The following ESRRG variants were observed in gnomAD, a reference collection of about 807,000 sequenced individuals.
ESRRG encodes estrogen-related receptor gamma.
A neutral mutation model predicts 44.0 loss-of-function variants in ESRRG; 13 were observed. That is an observed-to-expected ratio of 0.30 (90% CI 0.19 to 0.47). ESRRG has a LOEUF of 0.47. Ranked by LOEUF, ESRRG falls within the 20% of genes least tolerant of loss-of-function variation. The pLI is 1.00. For synonymous variants in ESRRG, 215 were observed against 214.6 expected (o/e 1.00, Z -0.02); for missense variants, 395 against 580.6 (o/e 0.68, Z 3.29).
intron 3 of ESRRG, among the ~76,000 whole-genome samples, chr1:216,585,082 T>C (rs74141614): frequency 0.03 from 4,559 of 152,292 alleles, 197 homozygotes; most frequent in African/African-American, 0.1. Flanking sequence ...CTGAAATTGA[T>C]AAAAGTTTAA....
At chr1:216,968,884 T>A (rs916411928) in intron 1 of ESRRG, among the ~76,000 whole-genome samples, 16 of 152,182 alleles carry the variant, frequency 1.1e-4, no homozygotes, top group African/African-American at 3.6e-4. Flanking sequence ...AGTTATCCTT[T>A]AACTAGAGTT....
chr1:216,972,306 C>A (rs1486836092), intron 1 of ESRRG, among the ~76,000 whole-genome samples: 1 of 152,116 alleles, frequency 6.6e-6, no homozygotes, highest in Non-Finnish European at 1.5e-5. Context: ...ATTAGGCTTG[C>A]TCCTATCTTA....
chr1:216,900,545 A>AGG (rs59429353), intron 2 of ESRRG, among the ~76,000 whole-genome samples: 11 of 152,026 alleles, frequency 7.2e-5, no homozygotes, highest in Middle Eastern at 3.4e-3. Flanking sequence ...TGGTCTGTTA[A>AGG]GGGGGGGCAA....
intron 1 of ESRRG, among the ~76,000 whole-genome samples, chr1:217,123,050 G>A (rs1487345159): frequency 6.6e-6 from 1 of 151,986 alleles, no homozygotes; most frequent in Admixed American, 6.6e-5. Flanking sequence ...TCGTTGTTGA[G>A]AGCAACTATT....
chr1:217,035,496 T>C (rs2151069829), intron 1 of ESRRG, among the ~76,000 whole-genome samples: 1 of 152,106 alleles, frequency 6.6e-6, no homozygotes, highest in Non-Finnish European at 1.5e-5. Flanking sequence ...TTTTACTAAA[T>C]TTCAGACAGT....
chr1:216,974,101 A>C (rs895267292), intron 1 of ESRRG, among the ~76,000 whole-genome samples: 5 of 152,230 alleles, frequency 3.3e-5, no homozygotes, highest in African/African-American at 1.2e-4. Context: ...CATTATCATT[A>C]ATATTTCTTT....
At chr1:216,670,105 G>C (rs1055747478) in intron 2 of ESRRG, among the ~76,000 whole-genome samples, 3 of 152,126 alleles carry the variant, frequency 2.0e-5, no homozygotes, top group African/African-American at 7.2e-5. Flanking sequence ...ATTTTCTCTA[G>C]ACACTATTTG....
At chr1:217,077,520 T>G (rs2091418336) in intron 1 of ESRRG, among the ~76,000 whole-genome samples, 1 of 152,168 alleles carries the variant, frequency 6.6e-6, no homozygotes, top group South Asian at 2.1e-4. Context: ...CAAAATTCTG[T>G]GAGCATTTAC....
At chr1:216,862,738 G>A (rs1577360294) in intron 2 of ESRRG, 1 of 152,154 alleles carries the variant, frequency 6.6e-6, no homozygotes, top group South Asian at 2.1e-4. Flanking sequence ...TGAGATGGGG[G>A]AAGTAGGTCA....
intron 5 of ESRRG, among the ~76,000 whole-genome samples, chr1:216,539,124 T>C (rs2051898136): frequency 2.0e-5 from 3 of 152,010 alleles, no homozygotes; most frequent in Admixed American, 2.0e-4. Context: ...GTTGTATAAA[T>C]AAAGTCTAAC....
intron 1 of ESRRG, among the ~76,000 whole-genome samples, chr1:217,072,928 C>T (rs1163895740): frequency 6.6e-6 from 1 of 151,950 alleles, no homozygotes; most frequent in Non-Finnish European, 1.5e-5. Flanking sequence ...ATGACAAATA[C>T]CCATTGTCAT....
At chr1:216,965,677 G>T (rs148179829) in intron 1 of ESRRG, among the ~76,000 whole-genome samples, 56 of 152,240 alleles carry the variant, frequency 3.7e-4, no homozygotes, top group African/African-American at 1.3e-3. Context: ...GGAGGCCAAA[G>T]GGCAGCTATA....
intron 1 of ESRRG, among the ~76,000 whole-genome samples, chr1:217,123,243 T>C (rs1398467740): frequency 2.0e-5 from 3 of 152,218 alleles, no homozygotes; most frequent in South Asian, 2.1e-4. Flanking sequence ...CAGTATATCA[T>C]GCCTAAGGGG....
At chr1:216,673,906 T>C (rs1393404138) in intron 2 of ESRRG, among the ~76,000 whole-genome samples, 1 of 152,172 alleles carries the variant, frequency 6.6e-6, no homozygotes, top group Non-Finnish European at 1.5e-5. Flanking sequence ...AAGAGGACAC[T>C]CCAACCAGCC....
chr1:216,913,204 A>G (rs1046172931), intron 2 of ESRRG, among the ~76,000 whole-genome samples: 11 of 151,974 alleles, frequency 7.2e-5, no homozygotes, highest in African/African-American at 2.7e-4. Flanking sequence ...ACATGTGCAG[A>G]CTTTTTTTCC....
intron 1 of ESRRG, among the ~76,000 whole-genome samples, chr1:216,960,464 A>G (rs961734738): frequency 6.6e-6 from 1 of 152,068 alleles, no homozygotes; most frequent in African/African-American, 2.4e-5. Context: ...TCCCTAAATG[A>G]GGTATTGTTT....
At chr1:216,762,271 C>A (rs2092820844) in intron 2 of ESRRG, among the ~76,000 whole-genome samples, 1 of 151,894 alleles carries the variant, frequency 6.6e-6, no homozygotes. Context: ...TTTATTGCGG[C>A]ATTATTCACA....
chr1:217,058,689 T>TA (rs2087683685), intron 1 of ESRRG, among the ~76,000 whole-genome samples: 1 of 152,028 alleles, frequency 6.6e-6, no homozygotes, highest in South Asian at 2.1e-4. Flanking sequence ...ACTGTGCATA[T>TA]AATATGTGAT....
At chr1:216,853,980 T>A (rs1577262686) in intron 2 of ESRRG, among the ~76,000 whole-genome samples, 1 of 152,294 alleles carries the variant, frequency 6.6e-6, no homozygotes, top group African/African-American at 2.4e-5. Flanking sequence ...ACATAGAGCA[T>A]GAGCCCAGAC....
Sources: allele counts gnomAD v4.1 joint callset (sites outside exome capture counted in the v4.1 genomes callset), GRCh38; gene constraint gnomAD v4.1.1; transcripts MANE v1.5; gene names NCBI Gene and HGNC (gene_info 2026-07-23, HGNC 2026-07-21).